Variants in MACF1 observed in about 807,000 individuals in gnomAD.
MACF1 encodes microtubule-actin cross-linking factor 1.
In MACF1, 193 loss-of-function variants were observed where a neutral mutation model predicts 854.8. That is an observed-to-expected ratio of 0.23 (90% CI 0.20 to 0.25). MACF1 has a LOEUF of 0.25. MACF1 is among the 10% of genes least tolerant of loss of function. The probability of loss-of-function intolerance (pLI) is 1.00; values close to 1 mark genes in which losing one functional copy is unlikely to be tolerated. For missense variants in MACF1, 7,722 were observed against 8,929.1 expected (o/e 0.86, Z 5.45); for synonymous variants, 3,185 against 3,226.7 (o/e 0.99, Z 0.44).
intron 52 of MACF1, among the ~76,000 whole-genome samples, chr1:39,376,665 T>C (rs978520814): frequency 6.6e-6 from 1 of 152,176 alleles, no homozygotes; most frequent in Non-Finnish European, 1.5e-5. Context: ...ATCGAAAATA[T>C]AATAACATTA....
chr1:39,234,429 C>T (rs905552500), intron 2 of MACF1, among the ~76,000 whole-genome samples: 4 of 148,860 alleles, frequency 2.7e-5, no homozygotes, highest in South Asian at 2.1e-4. Flanking sequence ...CTGACCCCCC[C>T]ACCTCCCTCC....
chr1:39,463,568 T>C lies in MACF1; in HGVS notation c.21679-44T>C, dbSNP rs7554206. 0.7 allele frequency: 952,605 copies of C among 1,361,518 alleles called. 335,397 individuals carry two copies. Among genetic ancestry groups the C allele is most frequent in the South Asian group, 0.79 (67,432 of 85,612 alleles). 84.3% of individuals were successfully genotyped at this position (1,361,518 alleles called of 1,614,324 possible). On this transcript the variant is annotated intron_variant, in intron 93 of 100. Transcript: ENST00000564288. ...ATCTTTGTTTCTCTGAATAGGAAGT[T>C]TTGCTCTACCCTTTACACTTTCCTT...
Position 39,360,995 on chromosome 1 carries a change from A to T in MACF1, c.12447A>T (p.Thr4149=). 1.2e-6 allele frequency: 2 copies of T among 1,613,804 alleles called. No individual in the cohort carries two copies. The highest frequency in any genetic ancestry group is 1.7e-6 in the Non-Finnish European group (2 of 1,179,688). Residue 4149 remains threonine, a synonymous_variant, in exon 48 of 101, where the codon ACA becomes ACT. Transcript: ENST00000564288. ...GAGTCATCCAGGAAGCCTTAGCCAC[A>T]AATATGGTAAGATCTGTGTCCCAAG... ...SSGVIQEALA[T]NMKLKQDIAR...
chr1:39,242,290 T>C (rs190767391), intron 2 of MACF1, among the ~76,000 whole-genome samples: 8 of 149,046 alleles, frequency 5.4e-5, no homozygotes, highest in Admixed American at 1.3e-4. Flanking sequence ...GCGGATACTG[T>C]AATGAGCCGA....
chr1:39,202,379 G>A (rs1644401983), upstream of MACF1, among the ~76,000 whole-genome samples: 3 of 150,788 alleles, frequency 2.0e-5, no homozygotes, highest in Non-Finnish European at 1.5e-5. Flanking sequence ...GCTCACACCT[G>A]TAATCCCAGC....
intron 2 of MACF1, among the ~76,000 whole-genome samples, chr1:39,087,665 T>C (rs1309151607): frequency 6.6e-6 from 1 of 152,190 alleles, no homozygotes; most frequent in Non-Finnish European, 1.5e-5. Context: ...TCAAAATAAC[T>C]CTGTTAGGCA....
chr1:39,086,339 C>T (rs1641674195), intron 2 of MACF1, among the ~76,000 whole-genome samples: 1 of 152,202 alleles, frequency 6.6e-6, no homozygotes, highest in Non-Finnish European at 1.5e-5. Flanking sequence ...GAGGAGACAA[C>T]AGTGGGGCCT....
chr1:39,464,300 C>G (rs1644616702), intron 94 of MACF1: 1 of 152,878 alleles, frequency 6.5e-6, no homozygotes, highest in Non-Finnish European at 1.5e-5. Context: ...TCAAGATTCT[C>G]TAAAGTCCTA....
At chr1:39,231,135 T>C in intron 1 of MACF1, 47 bp from the exon 2 acceptor site, 2 of 1,486,226 alleles carry the variant, frequency 1.3e-6, no homozygotes, top group Non-Finnish European at 1.9e-6. Context: ...GGGAACCTGT[T>C]ACCTGGGTAG....
At chr1:39,167,869 G>T (rs544067149) in intron 2 of MACF1, among the ~76,000 whole-genome samples, 1 of 75,220 alleles carries the variant, frequency 1.3e-5, no homozygotes, top group South Asian at 5.5e-4. Context: ...GCGAGACTCC[G>T]TCTCAAAAAA....
At chr1:39,211,005 C>T (rs746874996) in intron 1 of MACF1, among the ~76,000 whole-genome samples, 4 of 141,500 alleles carry the variant, frequency 2.8e-5, no homozygotes, top group Admixed American at 2.3e-4. Context: ...CTTGCTTTGT[C>T]GCCCAGGCTG....
chr1:39,190,363 C>T (rs1644236030), intron 2 of MACF1, among the ~76,000 whole-genome samples: 6 of 101,908 alleles, frequency 5.9e-5, no homozygotes, highest in Admixed American at 2.3e-4. Context: ...CTTTCTTTCT[C>T]TTCTTTTGTG....
At position 39,316,386 on chromosome 1, in the gene MACF1, C is replaced by G. The variant is rs115911109; in HGVS notation, c.3450-5C>G. On this transcript the variant is annotated splice_polypyrimidine_tract_variant and splice_region_variant and intron_variant, in intron 27 of 100. Coordinates refer to ENST00000564288, the MANE Select transcript of MACF1 (RefSeq NM_001394062.1). Reference sequence around the variant, plus strand: ...TAATGAAGGAATGTGTATTTGTCCCCACAGGTTAAAGACAGTTGATGTTAT... The same window carrying G: ...TAATGAAGGAATGTGTATTTGTCCCGACAGGTTAAAGACAGTTGATGTTAT... 1.5e-4 allele frequency: 244 copies of G among 1,600,756 alleles called. 2 individuals are homozygous for G. In the African/African-American group the frequency reaches 2.9e-3, roughly 19 times the overall value.
intron 58 of MACF1, among the ~76,000 whole-genome samples, chr1:39,402,507 C>A (rs1459576066): frequency 2.0e-5 from 3 of 152,050 alleles, no homozygotes; most frequent in African/African-American, 7.2e-5. Context: ...AACGATATAA[C>A]CTTGTGAAAT....
At chr1:39,337,450 C>A in intron 38 of MACF1, 119 bp downstream of exon 38, 1 of 931,996 alleles carries the variant, frequency 1.1e-6, no homozygotes, top group Non-Finnish European at 1.5e-6. Flanking sequence ...TAAACAATCT[C>A]AGACCCTTGT....
upstream of MACF1, chr1:39,204,434 C>T (rs185707308): frequency 6.9e-4 from 105 of 153,030 alleles, 1 homozygote; most frequent in Admixed American, 2.4e-3. Context: ...CTTCTCCTCC[C>T]GGGTTGTGGG....
chr1:39,203,301 C>T (rs1408036572), upstream of MACF1, among the ~76,000 whole-genome samples: 2 of 152,174 alleles, frequency 1.3e-5, no homozygotes, highest in Non-Finnish European at 2.9e-5. Flanking sequence ...TTCCTGGGCT[C>T]AAGCCATCTT....
chr1:39,460,577 C>T lies in MACF1; in HGVS notation c.21361-55C>T. The T allele has an allele frequency of 6.5e-7, 1 of 1,531,022 alleles. No individual in the cohort carries two copies. The highest frequency in any genetic ancestry group is 9.0e-7 in the Non-Finnish European group (1 of 1,106,980). The allele number at this position is 1,531,022 out of a possible 1,614,324, so 94.8% of individuals were successfully genotyped here. A position where few individuals can be genotyped will look rare whatever the true frequency, so the allele number is the denominator to read the frequency against. ...TCTGAAAGTTTGGGTATGCTCTGGG[C>T]AGCTTTTGAGGGCCCAAAAAATAAA... On this transcript the variant is annotated intron_variant, in intron 91 of 100. Coordinates refer to ENST00000564288, the MANE Select transcript of MACF1 (RefSeq NM_001394062.1). The surrounding 1 kb of genome is among the most constrained non-coding windows in gnomAD (Gnocchi z 4.1).
In MACF1 at chr1:39,486,974, T is replaced by G; in HGVS notation, c.*1180T>G. 6.6e-6 allele frequency: 1 copy of G among 152,618 alleles called. No homozygotes were observed. Among genetic ancestry groups the G allele is most frequent in the East Asian group, 1.9e-4 (1 of 5,208 alleles). The allele number at this position is 152,618 out of a possible 1,614,324, so 9.5% of individuals were successfully genotyped here. A position where few individuals can be genotyped will look rare whatever the true frequency, so the allele number is the denominator to read the frequency against. ...GACACACTTTTGTATTAAAATTGCT[T>G]GCAGTAACAAATATTTTGTATTTCC... On this transcript the variant is annotated 3_prime_UTR_variant, in exon 101 of 101. Transcript: ENST00000564288.
Sources: allele counts gnomAD v4.1 joint callset (sites outside exome capture counted in the v4.1 genomes callset), GRCh38; gene constraint gnomAD v4.1.1; non-coding constraint Gnocchi (gnomAD v3.1); transcripts MANE v1.5; gene names NCBI Gene and HGNC (gene_info 2026-07-23, HGNC 2026-07-21).